Variants in ARSI observed in about 807,000 individuals in gnomAD.
ARSI encodes arylsulfatase family member I.
A neutral mutation model predicts 42.1 loss-of-function variants in ARSI; 37 were observed. The observed-to-expected ratio is 0.88, with a 90% confidence interval of 0.68 to 1.16. ARSI has a LOEUF of 1.16. Among genes scored for constraint, ARSI ranks in the 50% most tolerant of loss-of-function variants. The pLI, the probability that ARSI is intolerant of heterozygous loss-of-function variation, is 0.00. For synonymous variants in ARSI, 305 were observed against 320.3 expected, an observed-to-expected ratio of 0.95 and a Z score of 0.51; for missense variants, 725 against 790.1, an observed-to-expected ratio of 0.92 and a Z score of 0.99.
In ARSI at chr5:150,297,955, C is replaced by T; in HGVS notation, c.969G>A (p.Val323=). ...GACTGTGGACAAAGCCTAGGCCCCG[C>T]ACGCCACCTTCCCAATAAGTGCCCT... ...GRKGTYWEGG[V]RGLGFVHSPL... is the part of the protein sequence containing the mutation. Residue 323 remains valine (V), a synonymous_variant, in exon 2 of 2, where the codon GTG becomes GTA. Transcript: ENST00000328668. The surrounding 1 kb of genome is among the most constrained non-coding windows in gnomAD (Gnocchi z 7.0). The T allele has an allele frequency of 6.2e-7, 1 of 1,611,678 alleles. No homozygotes were observed. The highest frequency in any genetic ancestry group is 8.5e-7 in the Non-Finnish European group (1 of 1,179,076).
chr5:150,298,093 G>A lies in ARSI; in HGVS notation c.831C>T (p.Ile277=). The change falls in exon 2 of 2, where the codon ATC becomes ATT. Residue 277 remains isoleucine, a synonymous_variant. Coordinates refer to ENST00000328668, the MANE Select transcript of ARSI (RefSeq NM_001012301.4). Reference sequence around the variant, plus strand: ...AACCGTAGCGCTTGAGGGCCCAGGTGATGTTGCGCACAGCCTCATCCATGC... The same window carrying A: ...AACCGTAGCGCTTGAGGGCCCAGGTAATGTTGCGCACAGCCTCATCCATGC... The part of the protein sequence containing the change: ...VTCMDEAVRN[I]TWALKRYGFY... 3 of 1,613,564 alleles carry A rather than the reference G, an allele frequency of 1.9e-6. No individual in the cohort carries two copies. The South Asian group carries it at 3.3e-5, about 18-fold the overall frequency.
chr5:150,298,437 C>T lies in ARSI; in HGVS notation c.487G>A (p.Gly163Ser). The change falls in exon 2 of 2, where the codon GGC (glycine) becomes AGC (serine). Residue 163 changes from glycine (G) to serine (S), a missense_variant. Gly to Ser is a moderately conservative substitution (Grantham distance 56, BLOSUM62 0). Coordinates refer to ENST00000328668, the MANE Select transcript of ARSI (RefSeq NM_001012301.4). ...YRKECLPTRRGFDTFLGSLTG... is the reference protein window; with the variant it reads ...YRKECLPTRRSFDTFLGSLTG... ...AGCGAGCCCAGGAAGGTGTCGAAGC[C>T]CCGACGGGTGGGCAGACACTCCTTC... The T allele has an allele frequency of 6.2e-7, 1 of 1,614,220 alleles. No homozygotes were observed. Among genetic ancestry groups the T allele is most frequent in the Non-Finnish European group, 8.5e-7 (1 of 1,180,050 alleles).
chr5:150,298,363 G>A lies in ARSI; in HGVS notation c.561C>T (p.Gly187=), dbSNP rs748033367. Residue 187 remains glycine (G), a synonymous_variant, in exon 2 of 2, where the codon GGC becomes GGT. Coordinates refer to ENST00000328668, the MANE Select transcript of ARSI (RefSeq NM_001012301.4). ...YYTYDNCDGP[G]VCGFDLHEGE... is the part of the protein sequence containing the mutation. ...CCTCGTGCAGGTCGAAGCCGCACAC[G>A]CCTGGGCCATCACAGTTGTCATAGG... 12 of 1,614,156 alleles carry A rather than the reference G, an allele frequency of 7.4e-6. No individual in the cohort carries two copies. Among genetic ancestry groups the A allele is most frequent in the South Asian group, 3.3e-5 (3 of 91,082 alleles).
chr5:150,297,130 G>A lies in ARSI; in HGVS notation c.*84C>T, dbSNP rs1211913688. On this transcript the variant is annotated 3_prime_UTR_variant, in exon 2 of 2. Coordinates refer to ENST00000328668, the MANE Select transcript of ARSI (RefSeq NM_001012301.4). The surrounding 1 kb of genome is among the most constrained non-coding windows in gnomAD (Gnocchi z 7.0). ...CCTCCAACTCCCTGTAGATGGAGAT[G>A]TGACAGGCTTCTCCCTGAGAAACAG... The A allele has an allele frequency of 1.4e-6, 2 of 1,426,466 alleles. No homozygotes were observed. The highest frequency in any genetic ancestry group is 1.9e-6 in the Non-Finnish European group (2 of 1,052,076). The allele number at this position is 1,426,466 out of a possible 1,614,324, so 88.4% of individuals were successfully genotyped here. A position where few individuals can be genotyped will look rare whatever the true frequency, so the allele number is the denominator to read the frequency against.
At chr5:150,301,539 C>T (rs1475712078) in intron 1 of ARSI, among the ~76,000 whole-genome samples, 1 of 152,198 alleles carries the variant, frequency 6.6e-6, no homozygotes, top group African/African-American at 2.4e-5. Context: ...ATTCCTTGGT[C>T]TTCTCCCAAT....
intron 1 of ARSI, among the ~76,000 whole-genome samples, chr5:150,299,083 A>G (rs1757875166): frequency 6.6e-6 from 1 of 152,214 alleles, no homozygotes; most frequent in South Asian, 2.1e-4. Flanking sequence ...GGCTTGGTAA[A>G]TTAAATTAGT....
chr5:150,297,799 C>A lies in ARSI; in HGVS notation c.1125G>T (p.Pro375=). 1 of 1,604,644 alleles carries A rather than the reference C, an allele frequency of 6.2e-7. No individual in the cohort carries two copies. Among genetic ancestry groups the A allele is most frequent in the Non-Finnish European group, 8.5e-7 (1 of 1,174,692 alleles). Reference sequence around the variant, plus strand: ...GTGAGGCCCGGCCCTCGCTGATGGCCGGCCACACGTCGTAGCCATCTAGCC... The same window carrying A: ...GTGAGGCCCGGCCCTCGCTGATGGCAGGCCACACGTCGTAGCCATCTAGCC... The part of the protein sequence containing the change: ...ADGLDGYDVW[P]AISEGRASPR... Residue 375 remains proline (P), a synonymous_variant, in exon 2 of 2, where the codon CCG becomes CCT. Transcript: ENST00000328668. This position sits in a 1 kb window ranked among gnomAD's most constrained non-coding sequence, Gnocchi z 7.0.
Position 150,297,127 on chromosome 5 carries a change from G to C in ARSI, c.*87C>G. The stretch of plus-strand genomic sequence containing the variant: ...CACCCTCCAACTCCCTGTAGATGGA[G>C]ATGTGACAGGCTTCTCCCTGAGAAA... On this transcript the variant is annotated 3_prime_UTR_variant, in exon 2 of 2. Coordinates refer to ENST00000328668, the MANE Select transcript of ARSI (RefSeq NM_001012301.4). This position sits in a 1 kb window ranked among gnomAD's most constrained non-coding sequence, Gnocchi z 7.0. 2.1e-6 allele frequency: 3 copies of C among 1,406,638 alleles called. No individual in the cohort carries two copies. The highest frequency in any genetic ancestry group is 2.9e-6 in the Non-Finnish European group (3 of 1,034,168). The allele number at this position is 1,406,638 out of a possible 1,614,324, so 87.1% of individuals were successfully genotyped here. A position where few individuals can be genotyped will look rare whatever the true frequency, so the allele number is the denominator to read the frequency against.
At position 150,298,105 on chromosome 5, in the gene ARSI, A is replaced by T. The variant is rs758770660; in HGVS notation, c.819T>A (p.Ala273=). Residue 273 remains alanine (A), a synonymous_variant, in exon 2 of 2, where the codon GCT becomes GCA. Coordinates refer to ENST00000328668, the MANE Select transcript of ARSI (RefSeq NM_001012301.4). ...YAAMVTCMDE[A]VRNITWALKR... ...TGAGGGCCCAGGTGATGTTGCGCAC[A>T]GCCTCATCCATGCAGGTCACCATGG... The T allele has an allele frequency of 3.7e-6, 6 of 1,613,544 alleles. No individual in the cohort carries two copies. In the South Asian group the frequency reaches 5.5e-5, roughly 15 times the overall value.
Position 150,296,976 on chromosome 5 carries a change from T to C in ARSI, c.*238A>G, listed in dbSNP as rs549375164. On this transcript the variant is annotated 3_prime_UTR_variant, in exon 2 of 2. Coordinates refer to ENST00000328668, the MANE Select transcript of ARSI (RefSeq NM_001012301.4). ...TGAGGAAACTGAGGCTAAAAGCTCA[T>C]GTGGGTCACCTGAGGTCACAGAGCA... The C allele has an allele frequency of 4.6e-6, 2 of 432,864 alleles. No homozygotes were observed. Among genetic ancestry groups the C allele is most frequent in the Admixed American group, 4.0e-5 (1 of 25,196 alleles). The allele number at this position is 432,864 out of a possible 1,614,324, so 26.8% of individuals were successfully genotyped here. A position where few individuals can be genotyped will look rare whatever the true frequency, so the allele number is the denominator to read the frequency against.
chr5:150,299,725 G>A (rs1757888694), intron 1 of ARSI, among the ~76,000 whole-genome samples: 1 of 152,042 alleles, frequency 6.6e-6, no homozygotes, highest in African/African-American at 2.4e-5. Context: ...CTTCCCACAT[G>A]GGGGCCTCAG....
At position 150,298,146 on chromosome 5, in the gene ARSI, G is replaced by A. The variant is rs763826087; in HGVS notation, c.778C>T (p.Arg260Trp). The A allele has an allele frequency of 1.2e-5, 19 of 1,613,832 alleles. No individual in the cohort carries two copies. Among genetic ancestry groups the A allele is most frequent in the Middle Eastern group, 1.6e-4 (1 of 6,084 alleles). The part of the protein sequence containing the change: ...YRYRTMGNVA[R>W]RKYAAMVTCM... ...GTCACCATGGCCGCGTACTTCCGCC[G>A]GGCCACATTGCCCATGGTGCGGTAG... Residue 260 changes from arginine to tryptophan, a missense_variant, in exon 2 of 2, where the codon CGG becomes TGG. Transcript: ENST00000328668.
rs1177997947 is a variant in ARSI, at chr5:150,302,341, G to T, written c.33C>A (p.Ser11Arg). Residue 11 changes from serine (S) to arginine (R), a missense_variant, in exon 1 of 2, where the codon AGC becomes AGA. Coordinates refer to ENST00000328668, the MANE Select transcript of ARSI (RefSeq NM_001012301.4). This position sits in a 1 kb window ranked among gnomAD's most constrained non-coding sequence, Gnocchi z 6.1. The part of the protein sequence containing the change: MHTLTGFSLV[S>R]LLSFGYLSWD... ...AGGACAGGTAGCCGAAGCTGAGCAG[G>T]CTGACCAGGGAGAAGCCAGTGAGGG... 1.9e-6 allele frequency: 3 copies of T among 1,557,448 alleles called. No homozygotes were observed. The highest frequency in any genetic ancestry group is 2.6e-6 in the Non-Finnish European group (3 of 1,154,264).
At chr5:150,299,075 C>T (rs1177311924) in intron 1 of ARSI, among the ~76,000 whole-genome samples, 1 of 152,190 alleles carries the variant, frequency 6.6e-6, no homozygotes, top group African/African-American at 2.4e-5. Context: ...GGAACTGAGG[C>T]TTGGTAAATT....
rs759532022 is a variant in ARSI at position 150,298,309 on chromosome 5, G to GCC, written c.613_614dup (p.Gln206AlafsTer63). The GCC allele has an allele frequency of 1.9e-6, 3 of 1,613,572 alleles. No homozygotes were observed. Among genetic ancestry groups the GCC allele is most frequent in the Non-Finnish European group, 2.5e-6 (3 of 1,179,814 alleles). Reference sequence around the variant, plus strand: ...GGGCATAAAGCATAGTGGAGTACTGGCCGCTGAGCCCCCAGGCCACATTCT... The same window carrying GCC: ...GGGCATAAAGCATAGTGGAGTACTGGCCCCGCTGAGCCCCCAGGCCACATTCT... On this transcript the variant is annotated frameshift_variant, in exon 2 of 2. Coordinates refer to ENST00000328668, the MANE Select transcript of ARSI (RefSeq NM_001012301.4). LOFTEE classifies it high-confidence loss of function.
chr5:150,300,646 C>T (rs1757903696), intron 1 of ARSI, among the ~76,000 whole-genome samples: 1 of 152,124 alleles, frequency 6.6e-6, no homozygotes, highest in South Asian at 2.1e-4. Flanking sequence ...CAAACACTAA[C>T]GAGGGCTGTA....
Position 150,302,328 on chromosome 5 carries a change from C to G in ARSI, c.46G>C (p.Gly16Arg). 6.3e-7 allele frequency: 1 copy of G among 1,575,156 alleles called. No homozygotes were observed. The highest frequency in any genetic ancestry group is 8.6e-7 in the Non-Finnish European group (1 of 1,162,404). The part of the protein sequence containing the change: ...GFSLVSLLSF[G>R]YLSWDWAKPS... Reference sequence around the variant, plus strand: ...TTGGCCCAGTCCCAGGACAGGTAGCCGAAGCTGAGCAGGCTGACCAGGGAG... The same window carrying G: ...TTGGCCCAGTCCCAGGACAGGTAGCGGAAGCTGAGCAGGCTGACCAGGGAG... The change falls in exon 1 of 2, where the codon GGC becomes CGC. Residue 16 changes from glycine (G) to arginine (R), a missense_variant. By Grantham distance (125) the Gly-to-Arg change is moderately radical (BLOSUM62 -2). Coordinates refer to ENST00000328668, the MANE Select transcript of ARSI (RefSeq NM_001012301.4). This position sits in a 1 kb window ranked among gnomAD's most constrained non-coding sequence, Gnocchi z 6.1.
chr5:150,300,968 T>C (rs2150321583), intron 1 of ARSI, among the ~76,000 whole-genome samples: 1 of 152,308 alleles, frequency 6.6e-6, no homozygotes, highest in African/African-American at 2.4e-5. Flanking sequence ...TTCTGATTCC[T>C]GGATCTAAAC....
chr5:150,301,009 G>A (rs1305739704), intron 1 of ARSI, among the ~76,000 whole-genome samples: 4 of 152,082 alleles, frequency 2.6e-5, no homozygotes, highest in South Asian at 2.1e-4. Flanking sequence ...AACAAAGGAC[G>A]CCATTTGATG....
Sources: allele counts gnomAD v4.1 joint callset (sites outside exome capture counted in the v4.1 genomes callset), GRCh38; gene constraint gnomAD v4.1.1; non-coding constraint Gnocchi (gnomAD v3.1); transcripts MANE v1.5; gene names NCBI Gene and HGNC (gene_info 2026-07-23, HGNC 2026-07-21).